Variants in PHF21A observed in about 807,000 individuals in gnomAD.
PHF21A encodes BHC80a.
Under a neutral mutation model 82.5 loss-of-function variants are expected in PHF21A, and 11 were observed. The observed-to-expected ratio is 0.13, with a 90% CI of 0.08 to 0.22. The LOEUF is 0.22. PHF21A is among the 10% of genes least tolerant of loss of function. The pLI is 1.00. For missense variants in PHF21A, 579 were observed against 837.8 expected, an observed-to-expected ratio of 0.69 and a Z score of 3.81; for synonymous variants, 297 against 302.8, an observed-to-expected ratio of 0.98 and a Z score of 0.20.
At chr11:46,111,426 C>T (rs1428573152) in intron 1 of PHF21A, among the ~76,000 whole-genome samples, 2 of 151,864 alleles carry the variant, frequency 1.3e-5, no homozygotes, top group Non-Finnish European at 2.9e-5. Flanking sequence ...GCTGATATTG[C>T]GCCACTGCAC....
In PHF21A at chr11:46,107,891, A is replaced by G. The variant is rs568132453; in HGVS notation, c.-237+13044T>C. 1.3e-3 allele frequency among the ~76,000 whole-genome samples: 197 copies of G among 152,136 alleles called. 1 individual carries two copies. The highest frequency in any genetic ancestry group is 1.4e-3 in the Non-Finnish European group (93 of 67,994). On this transcript the variant is annotated intron_variant, in intron 1 of 18. Transcript: ENST00000676320. ...CGTTAAAAAATACTGAGTTATCAGC[A>G]TAGCATTTGGTAGTGGTTGAGTGAG...
chr11:45,989,599 G>T (rs2094609305), intron 6 of PHF21A, among the ~76,000 whole-genome samples: 3 of 151,722 alleles, frequency 2.0e-5, no homozygotes. Flanking sequence ...GACCCAGGAG[G>T]TGGAGGTTGC....
intron 6 of PHF21A, among the ~76,000 whole-genome samples, chr11:45,981,419 A>C (rs1030675521): frequency 7.3e-6 from 1 of 136,746 alleles, no homozygotes; most frequent in African/African-American, 2.7e-5. Flanking sequence ...AAAAAAAAAA[A>C]CTATATTGCT....
At chr11:46,004,775 T>A (rs775798190) in intron 6 of PHF21A, among the ~76,000 whole-genome samples, 1 of 152,170 alleles carries the variant, frequency 6.6e-6, no homozygotes, top group African/African-American at 2.4e-5. Context: ...GGACTCATCA[T>A]CTAAAAGATG....
intron 6 of PHF21A, among the ~76,000 whole-genome samples, chr11:45,985,943 A>G (rs2094475317): frequency 6.6e-6 from 1 of 152,174 alleles, no homozygotes; most frequent in Non-Finnish European, 1.5e-5. Context: ...TGTAATTATC[A>G]GAGATTTTTT....
Position 45,945,852 on chromosome 11 carries a change from G to A in PHF21A, c.1440C>T (p.Pro480=). The part of the protein sequence containing the change: ...APVQPVSLPS[P]TSTDGDIHED... ...CCAAGTTACTTACGTCTGTGGAGGT[G>A]GGGCTGGGCAGGGACACAGGCTGAA... Residue 480 remains proline (P), a synonymous_variant, in exon 15 of 19, where the codon CCC becomes CCT. Coordinates refer to ENST00000676320, the MANE Select transcript of PHF21A (RefSeq NM_001352027.3). 1 of 1,578,904 alleles carries A rather than the reference G, an allele frequency of 6.3e-7. No homozygotes were observed. Among genetic ancestry groups the A allele is most frequent in the Non-Finnish European group, 8.6e-7 (1 of 1,165,244 alleles).
intron 6 of PHF21A, among the ~76,000 whole-genome samples, chr11:45,990,268 T>C (rs2094642533): frequency 8.6e-6 from 1 of 115,728 alleles, no homozygotes; most frequent in Non-Finnish European, 1.7e-5. Flanking sequence ...TTTTTTTTTT[T>C]TTTTTTTTCA....
At chr11:45,937,334 AGAAACCAAAGAGAGAACGAGGGAGGCTAG>A (rs1166831157) in intron 16 of PHF21A, among the ~76,000 whole-genome samples, 1 of 152,274 alleles carries the variant, frequency 6.6e-6, no homozygotes, top group Non-Finnish European at 1.5e-5. Context: ...AAAGGCGACC[AGAAACCAAAGAGAGAACGAGGGAGGCTAG>A]GACAGTTACT....
intron 6 of PHF21A, among the ~76,000 whole-genome samples, chr11:45,989,490 T>TAAAAAAAAAAA (rs57370032): frequency 1.1e-4 from 11 of 100,872 alleles, no homozygotes; most frequent in East Asian, 2.8e-4. Flanking sequence ...CCATCTCTAC[T>TAAAAAAAAAAA]AAAAAAAAAA....
chr11:45,934,313 C>A, intron 18 of PHF21A, 88 bp from the exon 19 acceptor site: 1 of 1,314,380 alleles, frequency 7.6e-7, no homozygotes, highest in Non-Finnish European at 1.0e-6. Flanking sequence ...CTTCTCTCTG[C>A]CCAGGGAGAA....
At chr11:45,984,988 A>ATC (rs2094444375) in intron 6 of PHF21A, among the ~76,000 whole-genome samples, 2 of 152,366 alleles carry the variant, frequency 1.3e-5, no homozygotes, top group South Asian at 4.1e-4. Flanking sequence ...AGAGGCTGAT[A>ATC]GAGACTTGTA....
Position 45,929,399 on chromosome 11 carries a change from C to CT in PHF21A, c.*4568_*4569insA, listed in dbSNP as rs1437823419. On this transcript the variant is annotated 3_prime_UTR_variant, in exon 19 of 19. Coordinates refer to ENST00000676320, the MANE Select transcript of PHF21A (RefSeq NM_001352027.3). ...TGATCAGCTGCTCTGTATCCCCCCC[C>CT]ACCCCCTCAAAACAAAAACCAAACA... The CT allele has an allele frequency of 6.5e-6, 1 of 153,994 alleles. No homozygotes were observed. The highest frequency in any genetic ancestry group is 2.4e-5 in the African/African-American group (1 of 41,406). 9.5% of individuals were successfully genotyped at this position (153,994 alleles called of 1,614,324 possible).
At chr11:46,097,175 G>A (rs753582517) in intron 1 of PHF21A, among the ~76,000 whole-genome samples, 16 of 151,900 alleles carry the variant, frequency 1.1e-4, no homozygotes, top group Admixed American at 7.2e-4. Flanking sequence ...CCCTAGCCCC[G>A]CTAAGGTATA....
At chr11:46,050,831 T>C (rs533259296) in intron 6 of PHF21A, among the ~76,000 whole-genome samples, 1 of 152,188 alleles carries the variant, frequency 6.6e-6, no homozygotes, top group South Asian at 2.1e-4. Flanking sequence ...AGCAACTGAG[T>C]ATGTGTGCAG....
intron 6 of PHF21A, among the ~76,000 whole-genome samples, chr11:46,056,641 ACT>A (rs1260911981): frequency 6.6e-6 from 1 of 152,116 alleles, no homozygotes; most frequent in African/African-American, 2.4e-5. Flanking sequence ...CCCATGAAAC[ACT>A]GTTTCACCTG....
intron 3 of PHF21A, 135 bp from the exon 4 acceptor site, chr11:46,084,437 C>T (rs1174282105): frequency 2.3e-6 from 1 of 433,548 alleles, no homozygotes; most frequent in Non-Finnish European, 4.0e-6. Context: ...GATTTTTTTT[C>T]CCTCAAAACA....
intron 6 of PHF21A, chr11:46,049,540 G>A (rs1296149035): frequency 2.2e-6 from 1 of 454,766 alleles, no homozygotes; most frequent in Admixed American, 2.4e-5. Flanking sequence ...AGGTAGAAGA[G>A]GGTGTGGCGG....
chr11:45,995,676 G>A (rs1425914575), intron 6 of PHF21A, among the ~76,000 whole-genome samples: 1 of 152,178 alleles, frequency 6.6e-6, no homozygotes, highest in Non-Finnish European at 1.5e-5. Context: ...GAGTCTGCAA[G>A]ACCAGCACAT....
intron 10 of PHF21A, among the ~76,000 whole-genome samples, chr11:45,964,019 G>T (rs1252847116): frequency 1.3e-5 from 2 of 151,934 alleles, no homozygotes; most frequent in Non-Finnish European, 2.9e-5. Context: ...CCAACATGGA[G>T]AAACCCCGTC....
Sources: allele counts gnomAD v4.1 joint callset (sites outside exome capture counted in the v4.1 genomes callset), GRCh38; gene constraint gnomAD v4.1.1; transcripts MANE v1.5; gene names NCBI Gene and HGNC (gene_info 2026-07-23, HGNC 2026-07-21).